ASTN2: variants seen among roughly 807,000 people sequenced by gnomAD.
The protein encoded by ASTN2 is astrotactin 2.
A neutral mutation model predicts 139.8 loss-of-function variants in ASTN2; 54 were observed. That is an observed-to-expected ratio of 0.39 (90% CI 0.31 to 0.48). The LOEUF is 0.48. Ranked by LOEUF, ASTN2 falls within the 20% of genes least tolerant of loss-of-function variation. The pLI, the probability that ASTN2 is intolerant of heterozygous loss-of-function variation, is 0.95. For synonymous variants in ASTN2, 756 were observed against 719.5 expected (o/e 1.05, Z -0.81); for missense variants, 1,565 against 1,725.1 (o/e 0.91, Z 1.64).
intron 19 of ASTN2, among the ~76,000 whole-genome samples, chr9:116,603,754 G>A (rs1409956160): frequency 2.6e-5 from 4 of 152,224 alleles, no homozygotes; most frequent in Non-Finnish European, 5.9e-5. Context: ...GGCCTGGAAG[G>A]AGATTCTGGT....
At chr9:117,370,638 G>C (rs891165003) in intron 1 of ASTN2, among the ~76,000 whole-genome samples, 38 of 152,226 alleles carry the variant, frequency 2.5e-4, no homozygotes, top group African/African-American at 8.9e-4. Flanking sequence ...TAAGTAATCT[G>C]CTTAAGATCA....
chr9:117,037,809 C>T (rs1838432994), intron 6 of ASTN2, among the ~76,000 whole-genome samples: 1 of 152,130 alleles, frequency 6.6e-6, no homozygotes, highest in Admixed American at 6.5e-5. Context: ...CCTCCATTGC[C>T]ATTTTCTGGC....
chr9:117,269,474 G>A (rs891418003), intron 2 of ASTN2, among the ~76,000 whole-genome samples: 3 of 152,110 alleles, frequency 2.0e-5, no homozygotes, highest in African/African-American at 7.2e-5. Context: ...GTTTTTTATA[G>A]AAATGGCTAG....
At chr9:117,404,853 GA>G (rs1001156672) in intron 1 of ASTN2, among the ~76,000 whole-genome samples, 17 of 151,706 alleles carry the variant, frequency 1.1e-4, no homozygotes, top group African/African-American at 3.1e-4. Flanking sequence ...AGAAAAGGGG[GA>G]AAAAAAAGAA....
intron 20 of ASTN2, among the ~76,000 whole-genome samples, chr9:116,467,434 T>A (rs1479654300): frequency 6.6e-6 from 1 of 152,148 alleles, no homozygotes; most frequent in South Asian, 2.1e-4. Context: ...TTCCAGCTAA[T>A]TTTTGTATTT....
At chr9:116,445,898 C>T (rs187166244) in intron 20 of ASTN2, among the ~76,000 whole-genome samples, 11 of 152,232 alleles carry the variant, frequency 7.2e-5, no homozygotes, top group Admixed American at 6.5e-4. Flanking sequence ...CCTCAGGCAA[C>T]CCTGCTGGGG....
intron 16 of ASTN2, among the ~76,000 whole-genome samples, chr9:116,656,034 G>A (rs924716105): frequency 6.6e-6 from 1 of 151,964 alleles, no homozygotes; most frequent in Non-Finnish European, 1.5e-5. Flanking sequence ...GACCTATTAA[G>A]TTTTCCTATT....
chr9:117,153,452 C>T (rs907841017), intron 3 of ASTN2, among the ~76,000 whole-genome samples: 1 of 152,096 alleles, frequency 6.6e-6, no homozygotes, highest in East Asian at 1.9e-4. Context: ...TTGTTTGTTA[C>T]GTAGCATTGT....
At chr9:116,559,171 T>C (rs1489686989) in intron 19 of ASTN2, among the ~76,000 whole-genome samples, 1 of 152,144 alleles carries the variant, frequency 6.6e-6, no homozygotes, top group Non-Finnish European at 1.5e-5. Flanking sequence ...TCCATATGTG[T>C]TAAATGTTGC....
chr9:116,423,727 G>A lies in ASTN2; in HGVS notation c.*2124C>T, dbSNP rs1045671978. Reference sequence around the variant, plus strand: ...TTGTGAGAGGTTGAGAAGCTTCCCAGGCACCAAGGTTGGAAGAATCTCTTT... The same window carrying A: ...TTGTGAGAGGTTGAGAAGCTTCCCAAGCACCAAGGTTGGAAGAATCTCTTT... On this transcript the variant is annotated 3_prime_UTR_variant, in exon 23 of 23. Coordinates refer to ENST00000313400, the MANE Select transcript of ASTN2 (RefSeq NM_001365068.1). Among the ~76,000 whole-genome samples the A allele has an allele frequency of 5.3e-5, 8 of 152,062 alleles. No homozygotes were observed. The highest frequency in any genetic ancestry group is 5.2e-4 in the Admixed American group (8 of 15,274).
intron 11 of ASTN2, among the ~76,000 whole-genome samples, chr9:116,853,131 C>CAGA (rs1480860948): frequency 2.0e-5 from 3 of 152,060 alleles, no homozygotes; most frequent in Non-Finnish European, 4.4e-5. Context: ...GGATATGTAT[C>CAGA]TATCTATATA....
intron 3 of ASTN2, among the ~76,000 whole-genome samples, chr9:117,213,267 G>A (rs1004637508): frequency 6.6e-6 from 1 of 152,156 alleles, no homozygotes; most frequent in Non-Finnish European, 1.5e-5. Flanking sequence ...GCTCGAGGCT[G>A]CTAGTAGGAT....
chr9:116,958,331 C>T (rs13301130), intron 10 of ASTN2, among the ~76,000 whole-genome samples: 11,459 of 152,196 alleles, frequency 0.075, 574 homozygotes, highest in Non-Finnish European at 0.11. Context: ...TGGCTCACGC[C>T]TGTAATCTCA....
intron 19 of ASTN2, among the ~76,000 whole-genome samples, chr9:116,509,481 G>A (rs1850269379): frequency 6.6e-6 from 1 of 152,156 alleles, no homozygotes; most frequent in African/African-American, 2.4e-5. Flanking sequence ...GTGTGCATGT[G>A]TCTTTATAGC....
At chr9:116,484,561 A>T (rs1849278360) in intron 20 of ASTN2, among the ~76,000 whole-genome samples, 1 of 152,172 alleles carries the variant, frequency 6.6e-6, no homozygotes. Context: ...CTCCAGACCG[A>T]GCTGGTCAGA....
chr9:116,919,940 CAAAAAA>C (rs35192686), intron 10 of ASTN2, among the ~76,000 whole-genome samples: 1 of 128,854 alleles, frequency 7.8e-6, no homozygotes, highest in East Asian at 2.4e-4. Context: ...GAATCTGTCT[CAAAAAA>C]AAAAAAAAAA....
At chr9:116,446,282 G>GAT (rs1847994095) in intron 20 of ASTN2, among the ~76,000 whole-genome samples, 1 of 142,648 alleles carries the variant, frequency 7.0e-6, no homozygotes, top group Admixed American at 6.8e-5. Flanking sequence ...TAGAGAGAGA[G>GAT]AGAGAGAGAG....
chr9:116,977,502 C>T (rs961866498), intron 7 of ASTN2, among the ~76,000 whole-genome samples: 7 of 151,834 alleles, frequency 4.6e-5, no homozygotes, highest in Non-Finnish European at 8.8e-5. Flanking sequence ...CCATGCCTTA[C>T]GCTTGGTTGC....
intron 19 of ASTN2, among the ~76,000 whole-genome samples, chr9:116,595,193 G>A (rs1277856059): frequency 1.3e-5 from 2 of 152,136 alleles, no homozygotes; most frequent in African/African-American, 4.8e-5. Context: ...AGGATAACTT[G>A]GCATCTAGGT....
Sources: gnomAD v4.1 joint callset for allele counts (sites outside exome capture counted in the v4.1 genomes callset) on GRCh38, gnomAD v4.1.1 for gene constraint, MANE v1.5 for transcripts, NCBI Gene and HGNC (gene_info 2026-07-23, HGNC 2026-07-21) for gene names.